GRM1: variants seen among roughly 807,000 people sequenced by gnomAD.
GRM1 encodes the protein metabotropic glutamate receptor 1.
Under a neutral mutation model 90.9 loss-of-function variants are expected in GRM1, and 33 were observed. The ratio of observed to expected loss-of-function variants is 0.36; its 90% CI spans 0.28 to 0.49. The LOEUF is 0.49. Ranked by LOEUF, GRM1 falls within the 20% of genes least tolerant of loss-of-function variation. The probability of loss-of-function intolerance (pLI) is 0.99; values close to 1 mark genes in which losing one functional copy is unlikely to be tolerated. For missense variants in GRM1, 1,190 were observed against 1,534.3 expected, an observed-to-expected ratio of 0.78 and a Z score of 3.75; for synonymous variants, 700 against 613.2, an observed-to-expected ratio of 1.14 and a Z score of -2.09.
intron 2 of GRM1, among the ~76,000 whole-genome samples, chr6:146,288,447 T>C (rs1782844483): frequency 6.6e-6 from 1 of 152,220 alleles, no homozygotes. Context: ...ACTTAGTTTC[T>C]TTTGGTTACT....
chr6:146,190,099 G>A (rs371027872), intron 2 of GRM1, among the ~76,000 whole-genome samples: 17 of 152,078 alleles, frequency 1.1e-4, no homozygotes, highest in African/African-American at 4.1e-4. Flanking sequence ...TGAAGAAATG[G>A]GAATGAATAA....
intron 4 of GRM1, among the ~76,000 whole-genome samples, chr6:146,353,441 A>G (rs1785474215): frequency 6.6e-6 from 1 of 152,130 alleles, no homozygotes; most frequent in Non-Finnish European, 1.5e-5. Flanking sequence ...TTTAATCTTC[A>G]TTGCTGTAGG....
chr6:146,352,632 G>T (rs1785447395), intron 4 of GRM1, 136 bp downstream of exon 4: 1 of 839,450 alleles, frequency 1.2e-6, no homozygotes, highest in Non-Finnish European at 2.0e-6. Context: ...AAAAGTCCAG[G>T]GATAATATCA....
intron 2 of GRM1, among the ~76,000 whole-genome samples, chr6:146,189,826 C>A (rs951661922): frequency 2.0e-5 from 3 of 152,176 alleles, no homozygotes; most frequent in African/African-American, 7.2e-5. Flanking sequence ...TAGCATAAAT[C>A]TTTCTTCTGC....
chr6:146,271,809 A>G (rs1025378762), intron 2 of GRM1, among the ~76,000 whole-genome samples: 2 of 152,204 alleles, frequency 1.3e-5, no homozygotes, highest in Non-Finnish European at 2.9e-5. Context: ...TTGCTGCATA[A>G]TGATTTATGA....
intron 2 of GRM1, among the ~76,000 whole-genome samples, chr6:146,296,447 A>G (rs920527714): frequency 1.3e-5 from 2 of 152,220 alleles, no homozygotes; most frequent in Non-Finnish European, 2.9e-5. Flanking sequence ...CTATTCTTTT[A>G]GCAATTTAAA....
At chr6:146,084,666 C>G (rs1776481762) in intron 1 of GRM1, among the ~76,000 whole-genome samples, 3 of 152,062 alleles carry the variant, frequency 2.0e-5, no homozygotes, top group Non-Finnish European at 4.4e-5. Flanking sequence ...ATTATGTGGT[C>G]AATTTTAGAA....
Position 146,378,232 on chromosome 6 carries a change from A to G in GRM1, c.1603-8658A>G, listed in dbSNP as rs139581019. On this transcript the variant is annotated intron_variant, in intron 5 of 7. Transcript: ENST00000282753. ...GGGTGAGCCCCCATACAGAGTTCCCACTGGGGCACTGCCTAGTGGAGCTGT... is the reference window on the plus strand; with the variant it reads ...GGGTGAGCCCCCATACAGAGTTCCCGCTGGGGCACTGCCTAGTGGAGCTGT... Among the ~76,000 whole-genome samples the G allele has an allele frequency of 6.6e-3, 1,003 of 152,304 alleles. 14 individuals are homozygous for G. Among genetic ancestry groups the G allele is most frequent in the African/African-American group, 0.022 (924 of 41,572 alleles).
At chr6:146,133,944 T>C (rs1197876451) in intron 1 of GRM1, among the ~76,000 whole-genome samples, 1 of 152,260 alleles carries the variant, frequency 6.6e-6, no homozygotes, top group Non-Finnish European at 1.5e-5. Flanking sequence ...CCTGCCATCA[T>C]TTTCGATAAC....
In GRM1 at chr6:146,211,312, T is replaced by C. The variant is rs557273392; in HGVS notation, c.950+51715T>C. 4.8e-5 allele frequency among the ~76,000 whole-genome samples: 7 copies of C among 144,952 alleles called. No individual in the cohort carries two copies. The South Asian group carries it at 1.5e-3, about 31-fold the overall frequency. ...TACCTGGTGACTTGTGTGTCTCCAG[T>C]GAAACTCGAAGACAGAACCCAGTCT... On this transcript the variant is annotated intron_variant, in intron 2 of 7. Transcript: ENST00000282753.
chr6:146,065,861 CAA>C (rs1775827458), intron 1 of GRM1, among the ~76,000 whole-genome samples: 1 of 151,594 alleles, frequency 6.6e-6, no homozygotes, highest in Non-Finnish European at 1.5e-5. Flanking sequence ...TACTATTTTG[CAA>C]AAGAGATGTT....
chr6:146,330,639 C>A (rs1306895367), intron 3 of GRM1, among the ~76,000 whole-genome samples: 1 of 152,176 alleles, frequency 6.6e-6, no homozygotes, highest in East Asian at 1.9e-4. Context: ...AAAAATACAT[C>A]ATCAGCGTGG....
intron 2 of GRM1, among the ~76,000 whole-genome samples, chr6:146,184,911 G>A (rs1778674664): frequency 6.6e-6 from 1 of 152,060 alleles, no homozygotes; most frequent in South Asian, 2.1e-4. Context: ...CATTTCCCTG[G>A]ATAAACTTTA....
At chr6:146,091,675 A>G (rs1776721504) in intron 1 of GRM1, among the ~76,000 whole-genome samples, 1 of 152,082 alleles carries the variant, frequency 6.6e-6, no homozygotes. Context: ...CTGAAGAATA[A>G]TTAGTAGCTA....
chr6:146,187,755 A>AT (rs58925513), intron 2 of GRM1, among the ~76,000 whole-genome samples: 7 of 151,566 alleles, frequency 4.6e-5, no homozygotes, highest in African/African-American at 1.2e-4. Flanking sequence ...ATATATATAT[A>AT]AAATTAGCTA....
At chr6:146,081,775 T>C (rs1383724199) in intron 1 of GRM1, among the ~76,000 whole-genome samples, 1 of 152,204 alleles carries the variant, frequency 6.6e-6, no homozygotes, top group Non-Finnish European at 1.5e-5. Flanking sequence ...AGATTTTCCT[T>C]CAAGATGTCT....
intron 1 of GRM1, among the ~76,000 whole-genome samples, chr6:146,119,509 C>G (rs1775898576): frequency 6.6e-6 from 1 of 152,110 alleles, no homozygotes; most frequent in Non-Finnish European, 1.5e-5. Flanking sequence ...ATATGAAGTC[C>G]TTGCCCATGC....
rs561649944 is a variant in GRM1, at chr6:146,419,276, G to T, written c.2661-14596G>T. ...ATTAAGAAATAAAGAATTCTGATGA[G>T]ACTTTTGTTTTGGATAGCATGAAAG... On this transcript the variant is annotated intron_variant, in intron 7 of 7. Transcript: ENST00000282753. Among the ~76,000 whole-genome samples the T allele has an allele frequency of 2.6e-5, 4 of 152,266 alleles. No individual in the cohort carries two copies. The South Asian group carries it at 6.2e-4, about 24-fold the overall frequency.
intron 4 of GRM1, among the ~76,000 whole-genome samples, chr6:146,353,756 A>G (rs1270887923): frequency 6.6e-6 from 1 of 152,174 alleles, no homozygotes; most frequent in Non-Finnish European, 1.5e-5. Context: ...CAGCTTCCCA[A>G]GTAGCTGGGA....
Sources: allele counts gnomAD v4.1 joint callset (sites outside exome capture counted in the v4.1 genomes callset), GRCh38; gene constraint gnomAD v4.1.1; transcripts MANE v1.5; gene names NCBI Gene and HGNC (gene_info 2026-07-23, HGNC 2026-07-21).